PCDHGA11: variants seen among roughly 807,000 people sequenced by gnomAD.
PCDHGA11 encodes the protein protocadherin gamma-A11.
PCDHGA11 carries 39 observed loss-of-function variants against 60.4 expected under a neutral mutation model. That is an observed-to-expected ratio of 0.65 (90% CI 0.50 to 0.84). The LOEUF is 0.84. Among genes scored for constraint, PCDHGA11 ranks in the 40% least tolerant of loss-of-function variants. The pLI is 0.00. For missense variants in PCDHGA11, 1,165 were observed against 1,197.7 expected (o/e 0.97, Z 0.40); for synonymous variants, 533 against 510.3 (o/e 1.04, Z -0.60).
intron 1 of PCDHGA11, among the ~76,000 whole-genome samples, chr5:141,439,259 G>A (rs1172204848): frequency 6.6e-6 from 1 of 151,900 alleles, no homozygotes; most frequent in African/African-American, 2.4e-5. Context: ...TGAAGATTCA[G>A]CCAACAGTTC....
intron 1 of PCDHGA11, chr5:141,428,419 CTCTGT>C (rs2097138377): frequency 4.4e-6 from 2 of 451,802 alleles, no homozygotes; most frequent in African/African-American, 2.0e-5. Context: ...TCACCCTGGT[CTCTGT>C]TCTAAGACTA....
In PCDHGA11 at chr5:141,476,714, C is replaced by G. The variant is rs146188020; in HGVS notation, c.2434-18093C>G. 3.1e-6 allele frequency: 5 copies of G among 1,614,036 alleles called. No individual in the cohort carries two copies. Among genetic ancestry groups the G allele is most frequent in the African/African-American group, 2.7e-5 (2 of 74,938 alleles). ...CAAGTACGCGGAGCTGGTGTTGGAGCGCGCCCTGGACCGAGAACGGGAGCC... is the reference window on the plus strand; with the variant it reads ...CAAGTACGCGGAGCTGGTGTTGGAGGGCGCCCTGGACCGAGAACGGGAGCC... On this transcript the variant is annotated intron_variant, in intron 1 of 3. Transcript: ENST00000398587. This position sits in a 1 kb window ranked among gnomAD's most constrained non-coding sequence, Gnocchi z 7.6.
intron 3 of PCDHGA11, among the ~76,000 whole-genome samples, chr5:141,508,658 A>G (rs1420910010): frequency 2.0e-5 from 3 of 152,086 alleles, no homozygotes; most frequent in African/African-American, 4.8e-5. Flanking sequence ...CCTTCCTGTC[A>G]TTCTGTCTCT....
intron 1 of PCDHGA11, among the ~76,000 whole-genome samples, chr5:141,439,243 T>C (rs2098101178): frequency 6.6e-6 from 1 of 151,962 alleles, no homozygotes; most frequent in Non-Finnish European, 1.5e-5. Flanking sequence ...CCTATACAAT[T>C]TCAGCTGAAG....
chr5:141,445,035 T>C (rs1438748354), intron 1 of PCDHGA11, among the ~76,000 whole-genome samples: 1 of 152,208 alleles, frequency 6.6e-6, no homozygotes, highest in Admixed American at 6.5e-5. Flanking sequence ...CTATGTTGTA[T>C]AGTTTTCAGT....
chr5:141,460,416 A>C (rs966481039), intron 1 of PCDHGA11, among the ~76,000 whole-genome samples: 1 of 152,138 alleles, frequency 6.6e-6, no homozygotes, highest in African/African-American at 2.4e-5. Flanking sequence ...GTTGATGTTT[A>C]TGTATGGTGT....
In PCDHGA11 at chr5:141,485,632, G is replaced by A. The variant is rs1335265010; in HGVS notation, c.2434-9175G>A. On this transcript the variant is annotated intron_variant, in intron 1 of 3. Transcript: ENST00000398587. This position sits in a 1 kb window ranked among gnomAD's most constrained non-coding sequence, Gnocchi z 5.7. ...CAGCTCCTCCAGGACAGCGTTTCCCGTTGGAAAAGGCTCAGGATGCAGATG... is the reference window on the plus strand; with the variant it reads ...CAGCTCCTCCAGGACAGCGTTTCCCATTGGAAAAGGCTCAGGATGCAGATG... 1.2e-6 allele frequency: 2 copies of A among 1,611,766 alleles called. No homozygotes were observed. The highest frequency in any genetic ancestry group is 1.7e-6 in the Non-Finnish European group (2 of 1,178,342).
rs773048793 is a variant in PCDHGA11, at chr5:141,505,456, A to T, written c.2556A>T (p.Gln852His). The T allele has an allele frequency of 1.3e-5, 21 of 1,614,110 alleles. No homozygotes were observed. The highest frequency in any genetic ancestry group is 1.7e-5 in the Non-Finnish European group (20 of 1,180,044). The change falls in exon 3 of 4, where the codon CAA becomes CAT. Residue 852 changes from glutamine (Q) to histidine (H), a missense_variant. By Grantham distance (24) the Gln-to-His change is conservative (BLOSUM62 0). Coordinates refer to ENST00000398587, the MANE Select transcript of PCDHGA11 (RefSeq NM_018914.3). ...ACCAGTTTGACACAGAGATGCTGCA[A>T]GCCATGATCTTGGCGTCCGCCAGTG... ...PNNQFDTEML[Q>H]AMILASASEA...
At position 141,432,807 on chromosome 5, in the gene PCDHGA11, ACT is replaced by A. The variant is rs542925824; in HGVS notation, c.2433+9150_2433+9151del. On this transcript the variant is annotated intron_variant, in intron 1 of 3. Coordinates refer to ENST00000398587, the MANE Select transcript of PCDHGA11 (RefSeq NM_018914.3). This position sits in a 1 kb window ranked among gnomAD's most constrained non-coding sequence, Gnocchi z 6.0. ...CTCGGCAGCCTCGAGTCTCCAGCTA[ACT>A]CTGAAACCTCAGACCTCACTCTGTA... 352 of 1,613,946 alleles carry A rather than the reference ACT, an allele frequency of 2.2e-4. 2 individuals carry two copies. The African/African-American group carries it at 4.2e-3, about 19-fold the overall frequency.
At chr5:141,453,964 C>T (rs2098778500) in intron 1 of PCDHGA11, among the ~76,000 whole-genome samples, 1 of 152,296 alleles carries the variant, frequency 6.6e-6, no homozygotes, top group Non-Finnish European at 1.5e-5. Context: ...GACAGCAAAG[C>T]ATGTAGTTGT....
chr5:141,476,966 G>A lies in PCDHGA11; in HGVS notation c.2434-17841G>A. ...CAACGGTGAAATTATTTACTCCTTC[G>A]GCAGCCACAACCGCGCCGGCGTGCG... On this transcript the variant is annotated intron_variant, in intron 1 of 3. Transcript: ENST00000398587. This position sits in a 1 kb window ranked among gnomAD's most constrained non-coding sequence, Gnocchi z 7.6. 1 of 1,614,152 alleles carries A rather than the reference G, an allele frequency of 6.2e-7. No individual in the cohort carries two copies. The highest frequency in any genetic ancestry group is 8.5e-7 in the Non-Finnish European group (1 of 1,180,032).
chr5:141,478,847 AAC>A (rs2099480409), intron 1 of PCDHGA11: 1 of 1,389,782 alleles, frequency 7.2e-7, no homozygotes, highest in South Asian at 1.5e-5. Context: ...GTTAAGCTAA[AAC>A]ACAAGATCTC....
In PCDHGA11 at chr5:141,422,281, T is replaced by C; in HGVS notation, c.1054T>C (p.Ser352Pro). ...NDNAPEITIT[S>P]SINSILENSP... is the part of the protein sequence containing the mutation. ...TAACGCTCCAGAAATAACTATCACC[T>C]CTTCTATTAATTCAATTCTGGAAAA... Residue 352 changes from serine (S) to proline (P), a missense_variant, in exon 1 of 4, where the codon TCT becomes CCT. Coordinates refer to ENST00000398587, the MANE Select transcript of PCDHGA11 (RefSeq NM_018914.3). 6.4e-7 allele frequency: 1 copy of C among 1,557,044 alleles called. No individual in the cohort carries two copies. The highest frequency in any genetic ancestry group is 1.7e-4 in the Middle Eastern group (1 of 5,762).
chr5:141,492,546 G>A (rs2154587552), intron 1 of PCDHGA11, among the ~76,000 whole-genome samples: 1 of 152,336 alleles, frequency 6.6e-6, no homozygotes, highest in East Asian at 1.9e-4. Flanking sequence ...GCTGGGCCGG[G>A]TCGCCTGGGG....
rs1415142555 is a variant in PCDHGA11, at chr5:141,476,011, A to G, written c.2434-18796A>G. The G allele has an allele frequency of 7.6e-7, 1 of 1,311,282 alleles. No individual in the cohort carries two copies. The highest frequency in any genetic ancestry group is 1.0e-6 in the Non-Finnish European group (1 of 962,238). 81.2% of individuals were successfully genotyped at this position (1,311,282 alleles called of 1,614,324 possible). ...GCAAATCAACGGCATCCAGAAAGCC[A>G]TGTCGGACTCGGCGCCCAGCGCCCA... On this transcript the variant is annotated intron_variant, in intron 1 of 3. Coordinates refer to ENST00000398587, the MANE Select transcript of PCDHGA11 (RefSeq NM_018914.3). This position sits in a 1 kb window ranked among gnomAD's most constrained non-coding sequence, Gnocchi z 7.6.
intron 1 of PCDHGA11, among the ~76,000 whole-genome samples, chr5:141,453,393 A>G (rs2098764590): frequency 6.6e-6 from 1 of 152,018 alleles, no homozygotes; most frequent in Non-Finnish European, 1.5e-5. Flanking sequence ...CTTAGCCTCC[A>G]AGTGCTGGTA....
chr5:141,429,387 T>TTAA (rs775632416), intron 1 of PCDHGA11, among the ~76,000 whole-genome samples: 1 of 151,334 alleles, frequency 6.6e-6, no homozygotes, highest in Non-Finnish European at 1.5e-5. Flanking sequence ...GTTTTTTTTT[T>TTAA]AAAAAAAATT....
At chr5:141,495,400 C>T (rs554849650) in intron 2 of PCDHGA11, among the ~76,000 whole-genome samples, 4 of 152,278 alleles carry the variant, frequency 2.6e-5, no homozygotes, top group Non-Finnish European at 1.5e-5. Flanking sequence ...ATGGAGCAGG[C>T]CCCCTTCTCC....
At chr5:141,455,239 G>A (rs1034181635) in intron 1 of PCDHGA11, among the ~76,000 whole-genome samples, 1 of 151,898 alleles carries the variant, frequency 6.6e-6, no homozygotes, top group African/African-American at 2.4e-5. Context: ...AAATGTTAAA[G>A]GTCATAGTAC....
Sources: allele counts gnomAD v4.1 joint callset (sites outside exome capture counted in the v4.1 genomes callset), GRCh38; gene constraint gnomAD v4.1.1; non-coding constraint Gnocchi (gnomAD v3.1); transcripts MANE v1.5; gene names NCBI Gene and HGNC (gene_info 2026-07-23, HGNC 2026-07-21).